The following RIMS2 variants were observed in gnomAD, a reference collection of about 807,000 sequenced individuals.
RIMS2 encodes the protein regulating synaptic membrane exocytosis protein 2.
In RIMS2, 59 loss-of-function variants were observed where a neutral mutation model predicts 174.4. The observed-to-expected ratio is 0.34, with a 90% CI of 0.27 to 0.42. The LOEUF (loss-of-function observed/expected upper bound fraction) is 0.42, where lower values mean the gene tolerates loss of function less well. Ranked by LOEUF, RIMS2 falls within the 10% of genes least tolerant of loss-of-function variation. RIMS2 has a pLI of 1.00. For missense variants in RIMS2, 1,620 were observed against 1,666.3 expected, an observed-to-expected ratio of 0.97 and a Z score of 0.48; for synonymous variants, 606 against 572.5, an observed-to-expected ratio of 1.06 and a Z score of -0.84.
intron 6 of RIMS2, among the ~76,000 whole-genome samples, chr8:103,913,993 C>G (rs1449471556): frequency 6.6e-6 from 1 of 152,160 alleles, no homozygotes; most frequent in Non-Finnish European, 1.5e-5. Context: ...TGCACTCAAC[C>G]TGAGCATTTT....
At chr8:103,553,669 AACAGCATCCTTC>A (rs2131682670) in intron 1 of RIMS2, among the ~76,000 whole-genome samples, 1 of 152,300 alleles carries the variant, frequency 6.6e-6, no homozygotes, top group Non-Finnish European at 1.5e-5. Context: ...TCATACTACT[AACAGCATCCTTC>A]ACAGAGTTTG....
At chr8:103,670,660 T>A (rs573962358) in intron 1 of RIMS2, among the ~76,000 whole-genome samples, 4 of 152,316 alleles carry the variant, frequency 2.6e-5, no homozygotes, top group Admixed American at 6.5e-5. Flanking sequence ...GTTGCCAGTC[T>A]CTTTGCTAAA....
At chr8:104,036,309 C>A (rs1023568534) in intron 19 of RIMS2, among the ~76,000 whole-genome samples, 1 of 151,744 alleles carries the variant, frequency 6.6e-6, no homozygotes, top group African/African-American at 2.4e-5. Flanking sequence ...GGCCACCATG[C>A]CTAGCTAATT....
intron 19 of RIMS2, among the ~76,000 whole-genome samples, chr8:104,217,048 C>G (rs1417213748): frequency 6.6e-6 from 1 of 151,856 alleles, no homozygotes; most frequent in African/African-American, 2.4e-5. Context: ...TTTATTCTTC[C>G]CCTGTATTAT....
intron 19 of RIMS2, among the ~76,000 whole-genome samples, chr8:104,214,232 T>C (rs1180097933): frequency 1.3e-5 from 2 of 152,218 alleles, no homozygotes; most frequent in African/African-American, 2.4e-5. Context: ...GTTTCTGTTT[T>C]ATACCACAAA....
intron 1 of RIMS2, among the ~76,000 whole-genome samples, chr8:103,685,283 G>T (rs2096928108): frequency 6.6e-6 from 1 of 152,114 alleles, no homozygotes; most frequent in Non-Finnish European, 1.5e-5. Context: ...CTCCATTCAT[G>T]GTGGAAGGCA....
At chr8:103,675,732 ACTC>A (rs534955691) in intron 1 of RIMS2, among the ~76,000 whole-genome samples, 1 of 151,228 alleles carries the variant, frequency 6.6e-6, no homozygotes, top group Non-Finnish European at 1.5e-5. Flanking sequence ...CAATTTTAAA[ACTC>A]CTTTTTTTTT....
At chr8:103,952,135 C>G in intron 14 of RIMS2, among the ~76,000 whole-genome samples, 1 of 152,192 alleles carries the variant, frequency 6.6e-6, no homozygotes, top group East Asian at 1.9e-4. Context: ...CTTCACCTCC[C>G]TGGGACAGAG....
intron 17 of RIMS2, among the ~76,000 whole-genome samples, chr8:104,002,278 G>A (rs2095420186): frequency 6.6e-6 from 1 of 151,728 alleles, no homozygotes; most frequent in South Asian, 2.1e-4. Context: ...TATTCTTGCT[G>A]TTAGCCTCCA....
chr8:103,912,630 T>G (rs2075892965), intron 6 of RIMS2, among the ~76,000 whole-genome samples: 1 of 152,110 alleles, frequency 6.6e-6, no homozygotes, highest in South Asian at 2.1e-4. Flanking sequence ...TGTGTGTGCA[T>G]GTGTATGTGC....
At chr8:103,910,375 C>CT in intron 5 of RIMS2, 1 of 1,597,402 alleles carries the variant, frequency 6.3e-7, no homozygotes, top group South Asian at 1.1e-5. Flanking sequence ...TTGTCGGACT[C>CT]TAACACCAGG....
At chr8:104,071,640 G>T (rs1482203064) in intron 19 of RIMS2, among the ~76,000 whole-genome samples, 1 of 152,262 alleles carries the variant, frequency 6.6e-6, no homozygotes, top group African/African-American at 2.4e-5. Flanking sequence ...GTTTCACCGT[G>T]TTAGCCAGGA....
rs568970084 is a variant in RIMS2, at chr8:104,216,068, G to A, written c.3335-28848G>A. On this transcript the variant is annotated intron_variant, in intron 19 of 23. Transcript: ENST00000504942. Reference sequence around the variant, plus strand: ...AATAGCAATGAATTGCAAATCTCATGAATATATATTTCCTATCTTGTCTGG... The same window carrying A: ...AATAGCAATGAATTGCAAATCTCATAAATATATATTTCCTATCTTGTCTGG... Among the ~76,000 whole-genome samples, 8 of 152,278 alleles carry A rather than the reference G, an allele frequency of 5.3e-5. No homozygotes were observed. The Middle Eastern group carries it at 0.01, about 194-fold the overall frequency.
intron 3 of RIMS2, among the ~76,000 whole-genome samples, chr8:103,804,473 A>G (rs2098636575): frequency 6.7e-6 from 1 of 148,268 alleles, no homozygotes; most frequent in South Asian, 2.1e-4. Flanking sequence ...TATATAAGGT[A>G]ACATAACATA....
chr8:103,571,106 C>T (rs748606122), intron 1 of RIMS2, among the ~76,000 whole-genome samples: 6 of 152,098 alleles, frequency 3.9e-5, no homozygotes, highest in Non-Finnish European at 7.4e-5. Flanking sequence ...TGTTAGAGAA[C>T]ACAGACCTGT....
chr8:103,910,123 G>T, intron 4 of RIMS2, 198 bp from the exon 8 acceptor site: 2 of 1,584,666 alleles, frequency 1.3e-6, no homozygotes, highest in South Asian at 1.1e-5. Context: ...TCTTTTGTCT[G>T]ACTCTCACAG....
chr8:104,232,768 A>G (rs2099237634), intron 19 of RIMS2, among the ~76,000 whole-genome samples: 1 of 152,174 alleles, frequency 6.6e-6, no homozygotes, highest in African/African-American at 2.4e-5. Flanking sequence ...TTCAGATTCA[A>G]AGTTTGGAAA....
At chr8:104,014,924 AT>A (rs1280643527) in intron 19 of RIMS2, among the ~76,000 whole-genome samples, 3 of 152,168 alleles carry the variant, frequency 2.0e-5, no homozygotes, top group Non-Finnish European at 4.4e-5. Context: ...AGTTTATGTA[AT>A]TGTTGATAGT....
chr8:103,586,437 A>T (rs550576086), intron 1 of RIMS2, among the ~76,000 whole-genome samples: 4 of 152,310 alleles, frequency 2.6e-5, no homozygotes, highest in Non-Finnish European at 4.4e-5. Flanking sequence ...AATTTATAAC[A>T]GGAGGAATTT....
Sources: allele counts gnomAD v4.1 joint callset (sites outside exome capture counted in the v4.1 genomes callset), GRCh38; gene constraint gnomAD v4.1.1; transcripts MANE v1.5; gene names NCBI Gene and HGNC (gene_info 2026-07-23, HGNC 2026-07-21).